GPC5: variants seen among roughly 807,000 people sequenced by gnomAD.
The protein encoded by GPC5 is glypican 5.
GPC5 carries 47 observed loss-of-function variants against 53.9 expected under a neutral mutation model. The ratio of observed to expected loss-of-function variants is 0.87; its 90% CI spans 0.69 to 1.11. The LOEUF (loss-of-function observed/expected upper bound fraction) is 1.11, where lower values mean the gene tolerates loss of function less well. GPC5 is among the 50% of genes most tolerant of loss of function. The probability of loss-of-function intolerance (pLI) is 0.00; values close to 1 mark genes in which losing one functional copy is unlikely to be tolerated. For missense variants in GPC5, 748 were observed against 713.1 expected, an observed-to-expected ratio of 1.05 and a Z score of -0.56; for synonymous variants, 286 against 263.3, an observed-to-expected ratio of 1.09 and a Z score of -0.84.
intron 2 of GPC5, among the ~76,000 whole-genome samples, chr13:91,532,865 C>A (rs1022338402): frequency 3.3e-5 from 5 of 152,012 alleles, no homozygotes; most frequent in African/African-American, 1.2e-4. Flanking sequence ...CAGAATGAGA[C>A]CCTGTCTCAA....
intron 1 of GPC5, among the ~76,000 whole-genome samples, chr13:91,441,631 G>A (rs1880437541): frequency 6.6e-6 from 1 of 152,178 alleles, no homozygotes; most frequent in African/African-American, 2.4e-5. Context: ...GAGGCACAGA[G>A]GCTGGCTAGC....
chr13:92,459,264 T>A (rs1878389730), intron 7 of GPC5, among the ~76,000 whole-genome samples: 1 of 152,158 alleles, frequency 6.6e-6, no homozygotes, highest in Admixed American at 6.6e-5. Flanking sequence ...AAAGACATAC[T>A]TCATATAATG....
At chr13:91,670,952 A>G (rs1365033132) in intron 2 of GPC5, among the ~76,000 whole-genome samples, 2 of 152,228 alleles carry the variant, frequency 1.3e-5, no homozygotes, top group African/African-American at 4.8e-5. Context: ...GGCAACTTGT[A>G]TGACAGCTAG....
chr13:92,358,258 C>G (rs576889437), intron 7 of GPC5, among the ~76,000 whole-genome samples: 69 of 151,906 alleles, frequency 4.5e-4, no homozygotes, highest in Non-Finnish European at 8.5e-4. Flanking sequence ...CCATGTCTCA[C>G]ATCTAGTCCA....
chr13:92,241,269 A>C (rs1949366680), intron 7 of GPC5: 1 of 152,198 alleles, frequency 6.6e-6, no homozygotes, highest in Non-Finnish European at 1.5e-5. Context: ...TTTATGTAAA[A>C]GATAATGGAA....
intron 7 of GPC5, among the ~76,000 whole-genome samples, chr13:92,532,904 G>A (rs1881611233): frequency 6.6e-6 from 1 of 152,094 alleles, no homozygotes; most frequent in Non-Finnish European, 1.5e-5. Flanking sequence ...TGTGGGTTTA[G>A]GTAGATCCTA....
At chr13:91,696,362 T>A (rs548429905) in intron 3 of GPC5, among the ~76,000 whole-genome samples, 2 of 152,328 alleles carry the variant, frequency 1.3e-5, no homozygotes, top group East Asian at 3.9e-4. Context: ...AAATTATGGA[T>A]TCTTTTCTAA....
At chr13:92,702,836 C>A (rs1403631532) in intron 7 of GPC5, among the ~76,000 whole-genome samples, 1 of 151,944 alleles carries the variant, frequency 6.6e-6, no homozygotes, top group African/African-American at 2.4e-5. Flanking sequence ...TCTCCACTCC[C>A]TCCTCCCTCC....
At chr13:91,636,814 T>C (rs2034296439) in intron 2 of GPC5, among the ~76,000 whole-genome samples, 2 of 151,790 alleles carry the variant, frequency 1.3e-5, no homozygotes, top group Admixed American at 1.3e-4. Context: ...AAAAAAAAAT[T>C]AGGCATGGTG....
intron 7 of GPC5, among the ~76,000 whole-genome samples, chr13:92,149,130 G>T (rs993399643): frequency 6.6e-6 from 1 of 152,008 alleles, no homozygotes; most frequent in African/African-American, 2.4e-5. Flanking sequence ...AAGTAAGGTG[G>T]TTTTCAATCT....
chr13:92,240,777 T>G (rs113354739), intron 7 of GPC5: 1,835 of 152,318 alleles, frequency 0.012, 17 homozygotes, highest in Non-Finnish European at 0.018. Context: ...GTGCTGGGAT[T>G]ACAGATGTGA....
At chr13:91,684,935 C>A (rs968780675) in intron 2 of GPC5, among the ~76,000 whole-genome samples, 1 of 152,178 alleles carries the variant, frequency 6.6e-6, no homozygotes, top group Non-Finnish European at 1.5e-5. Flanking sequence ...TAGTCAGCAA[C>A]CTTCTTTGCA....
intron 7 of GPC5, among the ~76,000 whole-genome samples, chr13:92,744,244 A>G (rs1254087772): frequency 6.6e-6 from 1 of 151,818 alleles, no homozygotes; most frequent in Non-Finnish European, 1.5e-5. Flanking sequence ...AAAAAAAAAT[A>G]TGTACATAGA....
At chr13:92,007,071 AG>A (rs1258165083) in intron 6 of GPC5, among the ~76,000 whole-genome samples, 1 of 152,152 alleles carries the variant, frequency 6.6e-6, no homozygotes, top group African/African-American at 2.4e-5. Context: ...TATTGATGCT[AG>A]TGTGCAATTT....
intron 7 of GPC5, among the ~76,000 whole-genome samples, chr13:92,226,556 A>G (rs2042487814): frequency 6.6e-6 from 1 of 152,172 alleles, no homozygotes; most frequent in African/African-American, 2.4e-5. Context: ...AATGAAAAAC[A>G]CAATGGGAAC....
chr13:92,229,536 A>G lies in GPC5; in HGVS notation c.1561+84547A>G, dbSNP rs906459242. Among the ~76,000 whole-genome samples the G allele has an allele frequency of 5.3e-5, 8 of 152,234 alleles. No individual in the cohort carries two copies. The East Asian group carries it at 1.4e-3, about 26-fold the overall frequency. ...TTCTGAGAAAGGAAAGCTGAAATGAAGGTTATTGTTCCAGAAATTTTTGCA... is the reference window on the plus strand; with the variant it reads ...TTCTGAGAAAGGAAAGCTGAAATGAGGGTTATTGTTCCAGAAATTTTTGCA... On this transcript the variant is annotated intron_variant, in intron 7 of 7. Coordinates refer to ENST00000377067, the MANE Select transcript of GPC5 (RefSeq NM_004466.6).
chr13:91,704,906 C>T (rs1298469030), intron 3 of GPC5, among the ~76,000 whole-genome samples: 1 of 152,196 alleles, frequency 6.6e-6, no homozygotes, highest in Non-Finnish European at 1.5e-5. Context: ...AAGTCTACAA[C>T]ATTGGCCACT....
chr13:92,390,247 G>C (rs1449477725), intron 7 of GPC5, among the ~76,000 whole-genome samples: 3 of 152,110 alleles, frequency 2.0e-5, no homozygotes, highest in Non-Finnish European at 2.9e-5. Context: ...GCTAGTATTA[G>C]TCCCAGAAGA....
intron 7 of GPC5, among the ~76,000 whole-genome samples, chr13:92,848,744 T>C (rs1005722012): frequency 2.6e-5 from 4 of 151,986 alleles, no homozygotes; most frequent in Non-Finnish European, 2.9e-5. Context: ...TTGGAAAGTG[T>C]ATGAGGACAA....
Sources: gnomAD v4.1 joint callset for allele counts (sites outside exome capture counted in the v4.1 genomes callset) on GRCh38, gnomAD v4.1.1 for gene constraint, MANE v1.5 for transcripts, NCBI Gene and HGNC (gene_info 2026-07-23, HGNC 2026-07-21) for gene names.